Variants in MC2R observed in about 807,000 individuals in gnomAD.
The protein encoded by MC2R is melanocortin 2 receptor, also known as adrenocorticotropic hormone receptor.
Under a neutral mutation model 9.8 loss-of-function variants are expected in MC2R, and 9 were observed. The observed-to-expected ratio is 0.92, with a 90% confidence interval of 0.55 to 1.60. The LOEUF is 1.60. Ranked by LOEUF, MC2R falls within the 40% of genes most tolerant of loss-of-function variation. The pLI, the probability that MC2R is intolerant of heterozygous loss-of-function variation, is 0.00. For synonymous variants in MC2R, 185 were observed against 154.7 expected (o/e 1.20, Z -1.45); for missense variants, 370 against 389.0 (o/e 0.95, Z 0.41).
At chr18:13,892,437 C>T (rs8095035) in intron 1 of MC2R, among the ~76,000 whole-genome samples, 1,764 of 152,196 alleles carry the variant, frequency 0.012, 29 homozygotes, top group African/African-American at 0.036. Flanking sequence ...CCCTCCCCAC[C>T]GGCACCCATC....
At chr18:13,903,641 G>T (rs2045393574) in intron 1 of MC2R, among the ~76,000 whole-genome samples, 1 of 152,150 alleles carries the variant, frequency 6.6e-6, no homozygotes, top group South Asian at 2.1e-4. Context: ...GAACTCATGG[G>T]CATAGAGAGT....
At chr18:13,895,732 T>TTCCCA (rs2045342327) in intron 1 of MC2R, among the ~76,000 whole-genome samples, 1 of 151,758 alleles carries the variant, frequency 6.6e-6, no homozygotes, top group Non-Finnish European at 1.5e-5. Flanking sequence ...GCTCCAGGGG[T>TTCCCA]GGTTAGCACC....
In MC2R at chr18:13,888,491, G is replaced by T. The variant is rs567829502; in HGVS notation, c.-128-2845C>A. On this transcript the variant is annotated intron_variant, in intron 1 of 1. Coordinates refer to ENST00000327606, the MANE Select transcript of MC2R (RefSeq NM_000529.2). ...CCCCCAGAGGAAGCTACCCCAGAAAGGTTGGGCAAACGCCCAAAGCCACAG... is the reference window on the plus strand; with the variant it reads ...CCCCCAGAGGAAGCTACCCCAGAAATGTTGGGCAAACGCCCAAAGCCACAG... Among the ~76,000 whole-genome samples, 6 of 152,326 alleles carry T rather than the reference G, an allele frequency of 3.9e-5. 1 individual carries two copies. The highest frequency in any genetic ancestry group is 3.4e-3 in the Middle Eastern group (1 of 294).
At position 13,884,748 on chromosome 18, in the gene MC2R, G is replaced by A. The variant is rs188454360; in HGVS notation, c.771C>T (p.Leu257=). 6 of 1,614,138 alleles carry A rather than the reference G, an allele frequency of 3.7e-6. No homozygotes were observed. In the African/African-American group the frequency reaches 5.3e-5, roughly 14 times the overall value. Residue 257 remains leucine (L), a synonymous_variant, in exon 2 of 2, where the codon CTC becomes CTT. Transcript: ENST00000327606. ...TGATCAACATGCCGTTCACCTGGAAGAGAGACATGTAGCAGGCGCAGTAGG... is the reference window on the plus strand; with the variant it reads ...TGATCAACATGCCGTTCACCTGGAAAAGAGACATGTAGCAGGCGCAGTAGG... ...SNPYCACYMS[L]FQVNGMLIMC... is the part of the protein sequence containing the mutation.
chr18:13,899,227 G>A (rs537883532), intron 1 of MC2R, among the ~76,000 whole-genome samples: 3 of 152,244 alleles, frequency 2.0e-5, no homozygotes, highest in Non-Finnish European at 2.9e-5. Flanking sequence ...TACTGATGAA[G>A]GCGTCAGAGT....
intron 1 of MC2R, among the ~76,000 whole-genome samples, chr18:13,900,986 C>T (rs541046615): frequency 3.3e-5 from 5 of 152,100 alleles, no homozygotes; most frequent in African/African-American, 1.2e-4. Context: ...AAGGACAGAC[C>T]ATATGTTAGG....
At chr18:13,888,884 A>G (rs1464368963) in intron 1 of MC2R, among the ~76,000 whole-genome samples, 1 of 152,224 alleles carries the variant, frequency 6.6e-6, no homozygotes, top group Non-Finnish European at 1.5e-5. Flanking sequence ...GAACTTGGAT[A>G]GGGGTCTGCA....
chr18:13,887,646 G>C (rs1398038839), intron 1 of MC2R, among the ~76,000 whole-genome samples: 1 of 152,176 alleles, frequency 6.6e-6, no homozygotes, highest in Non-Finnish European at 1.5e-5. Flanking sequence ...GGATGGGGGA[G>C]GGCCTTGTCC....
intron 1 of MC2R, among the ~76,000 whole-genome samples, chr18:13,906,507 T>G (rs1361306195): frequency 6.6e-6 from 1 of 152,160 alleles, no homozygotes; most frequent in Non-Finnish European, 1.5e-5. Flanking sequence ...TGTATACCTA[T>G]GTAACAAACC....
chr18:13,910,119 A>G (rs1262377046), intron 1 of MC2R, among the ~76,000 whole-genome samples: 2 of 152,170 alleles, frequency 1.3e-5, no homozygotes, highest in African/African-American at 4.8e-5. Context: ...CTATGTTTAA[A>G]ATAATTTTTT....
chr18:13,885,313 G>C lies in MC2R; in HGVS notation c.206C>G (p.Ser69Cys). Residue 69 changes from serine (S) to cysteine (C), a missense_variant, in exon 2 of 2, where the codon TCT (serine) becomes TGT (cysteine). Ser to Cys is a moderately radical substitution (Grantham distance 112, BLOSUM62 -1). Coordinates refer to ENST00000327606, the MANE Select transcript of MC2R (RefSeq NM_000529.2). ...CTTATATAGGCTGCCCAGCATATCAGATATGGCCAAGCTACAGATGAAAAA... is the reference window on the plus strand; with the variant it reads ...CTTATATAGGCTGCCCAGCATATCACATATGGCCAAGCTACAGATGAAAAA... Reference protein sequence around the residue: ...MYFFICSLAISDMLGSLYKIL... With the variant: ...MYFFICSLAICDMLGSLYKIL... 1 of 1,614,144 alleles carries C rather than the reference G, an allele frequency of 6.2e-7. No homozygotes were observed. The highest frequency in any genetic ancestry group is 1.1e-5 in the South Asian group (1 of 91,076).
chr18:13,893,326 T>C (rs779844575), intron 1 of MC2R, among the ~76,000 whole-genome samples: 4 of 152,330 alleles, frequency 2.6e-5, no homozygotes, highest in East Asian at 1.9e-4. Context: ...ATAGTGAAAG[T>C]CAGAGAGTAA....
intron 1 of MC2R, among the ~76,000 whole-genome samples, chr18:13,908,000 G>T (rs944351032): frequency 2.6e-5 from 4 of 152,054 alleles, no homozygotes; most frequent in Middle Eastern, 3.2e-3. Context: ...AAATAGAGCT[G>T]CCATATGATC....
intron 1 of MC2R, among the ~76,000 whole-genome samples, chr18:13,893,917 T>G (rs909586435): frequency 1.3e-5 from 2 of 152,212 alleles, no homozygotes; most frequent in Admixed American, 1.3e-4. Context: ...AAGAATAGAT[T>G]TGAGGTTGTT....
At chr18:13,886,547 C>T (rs191384772) in intron 1 of MC2R, among the ~76,000 whole-genome samples, 2 of 152,336 alleles carry the variant, frequency 1.3e-5, no homozygotes, top group Admixed American at 1.3e-4. Flanking sequence ...CATTCCTTCT[C>T]ACTGCTCGTC....
At chr18:13,896,558 T>C (rs1391422776) in intron 1 of MC2R, among the ~76,000 whole-genome samples, 2 of 152,216 alleles carry the variant, frequency 1.3e-5, no homozygotes, top group African/African-American at 2.4e-5. Flanking sequence ...AAAATAAGCA[T>C]CTATGATTTA....
At chr18:13,904,799 G>T (rs892757617) in intron 1 of MC2R, among the ~76,000 whole-genome samples, 1 of 152,130 alleles carries the variant, frequency 6.6e-6, no homozygotes, top group African/African-American at 2.4e-5. Flanking sequence ...AAGGGGAAAG[G>T]ATCTCCTATC....
chr18:13,903,082 T>A (rs2045390183), intron 1 of MC2R, among the ~76,000 whole-genome samples: 1 of 152,162 alleles, frequency 6.6e-6, no homozygotes, highest in Non-Finnish European at 1.5e-5. Context: ...CAAACAGGCA[T>A]ATGAAAAGGT....
intron 1 of MC2R, among the ~76,000 whole-genome samples, chr18:13,905,475 A>C (rs1413948485): frequency 2.2e-5 from 3 of 133,862 alleles, no homozygotes; most frequent in Non-Finnish European, 4.8e-5. Flanking sequence ...ACAGAGCGAG[A>C]CTCCCTCTAA....
Sources: allele counts gnomAD v4.1 joint callset (sites outside exome capture counted in the v4.1 genomes callset), GRCh38; gene constraint gnomAD v4.1.1; transcripts MANE v1.5; gene names NCBI Gene and HGNC (gene_info 2026-07-23, HGNC 2026-07-21).